The following CCDC27 variants were observed in gnomAD, a reference collection of about 807,000 sequenced individuals.
The protein encoded by CCDC27 is coiled-coil domain containing 27, also known as coiled-coil domain-containing protein 27.
In CCDC27, 80 loss-of-function variants were observed where a neutral mutation model predicts 80.3. That is an observed-to-expected ratio of 1.00 (90% CI 0.83 to 1.20). The LOEUF is 1.20. Among genes scored for constraint, CCDC27 ranks in the 50% most tolerant of loss-of-function variants. The pLI, the probability that CCDC27 is intolerant of heterozygous loss-of-function variation, is 0.00. For missense variants in CCDC27, 815 were observed against 809.4 expected (o/e 1.01, Z -0.08); for synonymous variants, 342 against 334.3 (o/e 1.02, Z -0.25).
Position 3,763,614 on chromosome 1 carries a change from G to A in CCDC27, c.1322-92G>A. 2 of 1,578,870 alleles carry A rather than the reference G, an allele frequency of 1.3e-6. No individual in the cohort carries two copies. Among genetic ancestry groups the A allele is most frequent in the Non-Finnish European group, 1.7e-6 (2 of 1,156,218 alleles). ...CGGCAGCCTCACCCAGGCTGGCAGA[G>A]CCCTCCCAGCTGCCGCAGTGGCCCG... On this transcript the variant is annotated intron_variant, in intron 7 of 11. Coordinates refer to ENST00000294600, the MANE Select transcript of CCDC27 (RefSeq NM_152492.3). This position sits in a 1 kb window ranked among gnomAD's most constrained non-coding sequence, Gnocchi z 7.5.
chr1:3,758,150 T>A (rs1407922374), intron 4 of CCDC27, among the ~76,000 whole-genome samples: 2 of 152,196 alleles, frequency 1.3e-5, no homozygotes, highest in Non-Finnish European at 2.9e-5. Flanking sequence ...GGCTTCTGTG[T>A]CTGGGGATTC....
chr1:3,770,707 C>T (rs1426119348), intron 11 of CCDC27, among the ~76,000 whole-genome samples: 2 of 152,136 alleles, frequency 1.3e-5, no homozygotes, highest in East Asian at 3.9e-4. Flanking sequence ...GGTTCCCTTC[C>T]TCTGCAGAGT....
rs776995476 is a variant in CCDC27 at position 3,769,831 on chromosome 1, G to A, written c.1792G>A (p.Gly598Arg). The A allele has an allele frequency of 2.5e-5, 40 of 1,613,840 alleles. No homozygotes were observed. In the South Asian group the frequency reaches 2.9e-4, roughly 12 times the overall value. Reference protein sequence around the residue: ...KIIQATFSISGTKSLANEISD... With the variant: ...KIIQATFSISRTKSLANEISD... ...CATCCAGGCCACCTTTAGCATCTCC[G>A]GGACCAAGTCCTTGGCCAACGAGAT... is the stretch of plus-strand genomic sequence containing the variant. The change falls in exon 11 of 12, where the codon GGG becomes AGG. Residue 598 changes from glycine to arginine, a missense_variant. Transcript: ENST00000294600. The surrounding 1 kb of genome is among the most constrained non-coding windows in gnomAD (Gnocchi z 4.6).
intron 11 of CCDC27, 22 bp from the exon 12 acceptor site, chr1:3,771,379 G>T (rs1643358961): frequency 6.2e-7 from 1 of 1,613,558 alleles, no homozygotes; most frequent in East Asian, 2.2e-5. Context: ...AGGCCACCTC[G>T]ACGGCTGTGT....
intron 1 of CCDC27, 128 bp from the exon 2 acceptor site, chr1:3,753,990 C>T (rs1473393985): frequency 1.4e-5 from 19 of 1,367,808 alleles, no homozygotes; most frequent in African/African-American, 2.9e-5. Context: ...TCTGCATCTA[C>T]ATACGACTCA....
rs1349772077 is a variant in CCDC27, at chr1:3,769,388, C to A, written c.1744-395C>A. Among the ~76,000 whole-genome samples, 1 of 152,140 alleles carries A rather than the reference C, an allele frequency of 6.6e-6. No homozygotes were observed. The highest frequency in any genetic ancestry group is 1.9e-4 in the East Asian group (1 of 5,190). Reference sequence around the variant, plus strand: ...CCTAAAGTGAGAGTGTCCCCAAGGGCCAGGAAGTCCGCTCACTGCAGCTCC... The same window carrying A: ...CCTAAAGTGAGAGTGTCCCCAAGGGACAGGAAGTCCGCTCACTGCAGCTCC... On this transcript the variant is annotated intron_variant, in intron 10 of 11. Transcript: ENST00000294600. This position sits in a 1 kb window ranked among gnomAD's most constrained non-coding sequence, Gnocchi z 4.6.
At chr1:3,764,593 T>TCA (rs1375344105) in intron 8 of CCDC27, among the ~76,000 whole-genome samples, 2 of 152,212 alleles carry the variant, frequency 1.3e-5, no homozygotes, top group Non-Finnish European at 2.9e-5. Flanking sequence ...GTTATTTGTC[T>TCA]CACACACATA....
At chr1:3,762,899 T>C in intron 6 of CCDC27, 187 bp downstream of exon 6, 2 of 781,326 alleles carry the variant, frequency 2.6e-6, no homozygotes, top group East Asian at 2.7e-5. Flanking sequence ...TCAGGTGCAG[T>C]CTACTGACAG....
Position 3,761,201 on chromosome 1 carries a change from C to T in CCDC27, c.712-80C>T, listed in dbSNP as rs1184943978. On this transcript the variant is annotated intron_variant, in intron 4 of 11. Transcript: ENST00000294600. The surrounding 1 kb of genome is among the most constrained non-coding windows in gnomAD (Gnocchi z 5.0). ...GTACCACGACAGCAGATCTGCTCCT[C>T]CTGGGTGGGCTGGAGGCAGGTCAGG... The T allele has an allele frequency of 1.5e-5, 23 of 1,544,650 alleles. No individual in the cohort carries two copies. Among genetic ancestry groups the T allele is most frequent in the Non-Finnish European group, 1.8e-5 (21 of 1,139,032 alleles).
At chr1:3,757,420 T>C (rs1642984092) in intron 4 of CCDC27, among the ~76,000 whole-genome samples, 1 of 151,900 alleles carries the variant, frequency 6.6e-6, no homozygotes, top group Admixed American at 6.5e-5. Flanking sequence ...ATTTTCTTTT[T>C]TTATTTTATT....
chr1:3,756,924 C>T (rs555762958), intron 4 of CCDC27, 34 bp downstream of exon 4: 8 of 1,594,520 alleles, frequency 5.0e-6, no homozygotes, highest in South Asian at 2.2e-5. Flanking sequence ...CCCGGCCCCC[C>T]ACCCCTCTCT....
rs1470346178 is a variant in CCDC27, at chr1:3,766,246, AT to A, written c.1453-288del. On this transcript the variant is annotated intron_variant, in intron 8 of 11. Coordinates refer to ENST00000294600, the MANE Select transcript of CCDC27 (RefSeq NM_152492.3). The surrounding 1 kb of genome is among the most constrained non-coding windows in gnomAD (Gnocchi z 6.1). Reference sequence around the variant, plus strand: ...ATGTTTAGAAGAACCCAGACCAACAATGTCTGAGACTTTTAGGAACTCAAGT... The same window carrying A: ...ATGTTTAGAAGAACCCAGACCAACAAGTCTGAGACTTTTAGGAACTCAAGT... 6.6e-6 allele frequency among the ~76,000 whole-genome samples: 1 copy of A among 152,114 alleles called. No individual in the cohort carries two copies. Among genetic ancestry groups the A allele is most frequent in the East Asian group, 1.9e-4 (1 of 5,196 alleles).
intron 4 of CCDC27, among the ~76,000 whole-genome samples, chr1:3,758,088 G>T (rs1417502579): frequency 1.3e-5 from 2 of 152,138 alleles, no homozygotes; most frequent in Non-Finnish European, 2.9e-5. Flanking sequence ...GGAAGAGTTT[G>T]TATAAGACTG....
intron 8 of CCDC27, among the ~76,000 whole-genome samples, chr1:3,764,476 TC>T (rs1039622538): frequency 6.6e-6 from 1 of 152,120 alleles, no homozygotes; most frequent in Non-Finnish European, 1.5e-5. Flanking sequence ...TCCTTTTTTT[TC>T]CTCCCTTGCC....
intron 4 of CCDC27, among the ~76,000 whole-genome samples, chr1:3,757,588 C>G (rs7542464): frequency 6.6e-6 from 1 of 151,540 alleles, no homozygotes; most frequent in East Asian, 2.0e-4. Flanking sequence ...ACTACAGGTG[C>G]GTACCACCAC....
At position 3,769,447 on chromosome 1, in the gene CCDC27, G is replaced by A. The variant is rs963323892; in HGVS notation, c.1744-336G>A. 3.3e-5 allele frequency among the ~76,000 whole-genome samples: 5 copies of A among 152,170 alleles called. No individual in the cohort carries two copies. The South Asian group carries it at 1.0e-3, about 31-fold the overall frequency. Reference sequence around the variant, plus strand: ...GTGGAGGATGGTCCAGGGGTTACGTGCGGCTTCTGTACTATTTTGGTTTGT... The same window carrying A: ...GTGGAGGATGGTCCAGGGGTTACGTACGGCTTCTGTACTATTTTGGTTTGT... On this transcript the variant is annotated intron_variant, in intron 10 of 11. Transcript: ENST00000294600. The surrounding 1 kb of genome is among the most constrained non-coding windows in gnomAD (Gnocchi z 4.6).
At chr1:3,770,309 C>T (rs899313013) in intron 11 of CCDC27, among the ~76,000 whole-genome samples, 6 of 152,178 alleles carry the variant, frequency 3.9e-5, no homozygotes, top group African/African-American at 1.2e-4. Context: ...CCTCCCACCC[C>T]GGCCACAGCC....
rs1465408849 is a variant in CCDC27, at chr1:3,769,024, G to A, written c.1744-759G>A. Among the ~76,000 whole-genome samples the A allele has an allele frequency of 1.3e-5, 2 of 152,234 alleles. No individual in the cohort carries two copies. On this transcript the variant is annotated intron_variant, in intron 10 of 11. Coordinates refer to ENST00000294600, the MANE Select transcript of CCDC27 (RefSeq NM_152492.3). This position sits in a 1 kb window ranked among gnomAD's most constrained non-coding sequence, Gnocchi z 4.6. ...TGCTTCCACTCGGAGGCAAGGCTGA[G>A]CCTCTCGGGCCCAGCTCCTGTGGGG...
chr1:3,767,191 G>A (rs561831794), intron 9 of CCDC27, 42 bp from the exon 10 acceptor site: 1 of 1,593,650 alleles, frequency 6.3e-7, no homozygotes, highest in South Asian at 1.1e-5. Context: ...CTCAGGTTGG[G>A]CGAAATGACC....
Sources: gnomAD v4.1 joint callset for allele counts (sites outside exome capture counted in the v4.1 genomes callset) on GRCh38, gnomAD v4.1.1 for gene constraint, Gnocchi (gnomAD v3.1) non-coding constraint, MANE v1.5 for transcripts, NCBI Gene and HGNC (gene_info 2026-07-23, HGNC 2026-07-21) for gene names.